Variants in RUBCN observed in about 807,000 individuals in gnomAD.
The protein encoded by RUBCN is rubicon autophagy regulator.
RUBCN carries 74 observed loss-of-function variants against 113.2 expected under a neutral mutation model. The observed-to-expected ratio is 0.65, with a 90% CI of 0.54 to 0.79. The LOEUF is 0.79. Ranked by LOEUF, RUBCN falls within the 30% of genes least tolerant of loss-of-function variation. RUBCN has a pLI of 0.00. For missense variants in RUBCN, 1,109 were observed against 1,251.7 expected (o/e 0.89, Z 1.72); for synonymous variants, 480 against 490.0 (o/e 0.98, Z 0.27).
chr3:197,681,952 G>A lies in RUBCN; in HGVS notation c.2127-53C>T. 7.0e-7 allele frequency: 1 copy of A among 1,425,578 alleles called. No homozygotes were observed. Among genetic ancestry groups the A allele is most frequent in the Non-Finnish European group, 9.9e-7 (1 of 1,009,030 alleles). The allele number at this position is 1,425,578 out of a possible 1,614,324, so 88.3% of individuals were successfully genotyped here. On this transcript the variant is annotated intron_variant, in intron 14 of 19. Transcript: ENST00000296343. This position sits in a 1 kb window ranked among gnomAD's most constrained non-coding sequence, Gnocchi z 5.5. ...GCACAGAGCAGCTGCGTGAGACCTTGGAGGTGTGAAGGAGTGAGCACACAT... is the reference window on the plus strand; with the variant it reads ...GCACAGAGCAGCTGCGTGAGACCTTAGAGGTGTGAAGGAGTGAGCACACAT...
Position 197,681,195 on chromosome 3 carries a change from A to G in RUBCN, c.2364T>C (p.Pro788=), listed in dbSNP as rs1721194021. Residue 788 remains proline (P), a synonymous_variant, in exon 16 of 20, where the codon CCT becomes CCC. Coordinates refer to ENST00000296343, the MANE Select transcript of RUBCN (RefSeq NM_014687.4). This position sits in a 1 kb window ranked among gnomAD's most constrained non-coding sequence, Gnocchi z 5.5. ...KDLLIKIWND[P]LFNVQDINSA... is the part of the protein sequence containing the mutation. The stretch of plus-strand genomic sequence containing the variant: ...TGTTTATGTCCTGCACGTTGAAGAG[A>G]GGATCATTCCAGATCTTAATGAGCA... The G allele has an allele frequency of 6.2e-7, 1 of 1,614,058 alleles. No individual in the cohort carries two copies. Among genetic ancestry groups the G allele is most frequent in the South Asian group, 1.1e-5 (1 of 91,084 alleles).
intron 1 of RUBCN, among the ~76,000 whole-genome samples, chr3:197,731,977 T>C (rs1023702187): frequency 6.6e-6 from 1 of 152,178 alleles, no homozygotes; most frequent in Non-Finnish European, 1.5e-5. Flanking sequence ...TGCTTACATA[T>C]GGGAAATAGA....
At chr3:197,679,623 G>A (rs1422373962) in intron 16 of RUBCN, among the ~76,000 whole-genome samples, 1 of 144,624 alleles carries the variant, frequency 6.9e-6, no homozygotes, top group East Asian at 2.1e-4. Flanking sequence ...ACTGGCTTCA[G>A]ACTGTCCTAC....
chr3:197,723,768 A>C (rs1726426423), intron 1 of RUBCN, among the ~76,000 whole-genome samples: 1 of 152,186 alleles, frequency 6.6e-6, no homozygotes, highest in South Asian at 2.1e-4. Flanking sequence ...TGAATCTTAG[A>C]TGCAAGTAAA....
intron 1 of RUBCN, among the ~76,000 whole-genome samples, chr3:197,721,990 G>C (rs565360989): frequency 3.5e-4 from 53 of 152,260 alleles, no homozygotes; most frequent in African/African-American, 1.2e-3. Context: ...TGTAATCCCA[G>C]CACTTTGGGA....
chr3:197,730,882 CAT>C (rs1491525834), intron 1 of RUBCN, among the ~76,000 whole-genome samples: 3 of 87,570 alleles, frequency 3.4e-5, no homozygotes, highest in African/African-American at 1.6e-4. Context: ...ATTTTAAAAG[CAT>C]CTTTTTTTTT....
intron 1 of RUBCN, among the ~76,000 whole-genome samples, chr3:197,726,697 A>C (rs9831307): frequency 0.12 from 17,198 of 145,032 alleles, 1,199 homozygotes; most frequent in African/African-American, 0.2. Flanking sequence ...CCCACCACCA[A>C]ACCCAGCTAA....
At chr3:197,722,679 T>A (rs540619203) in intron 1 of RUBCN, among the ~76,000 whole-genome samples, 1 of 151,856 alleles carries the variant, frequency 6.6e-6, no homozygotes, top group Non-Finnish European at 1.5e-5. Context: ...AACTGTTATA[T>A]CCTTTTGCTG....
At chr3:197,696,609 CAT>C (rs1305534757) in intron 8 of RUBCN, among the ~76,000 whole-genome samples, 5 of 152,284 alleles carry the variant, frequency 3.3e-5, no homozygotes, top group Non-Finnish European at 4.4e-5. Flanking sequence ...ATGATTTCCA[CAT>C]AGAGTCTGTC....
In RUBCN at chr3:197,718,074, G is replaced by A. The variant is rs762417278; in HGVS notation, c.122C>T (p.Ser41Leu). 1 of 1,614,218 alleles carries A rather than the reference G, an allele frequency of 6.2e-7. No homozygotes were observed. Among genetic ancestry groups the A allele is most frequent in the South Asian group, 1.1e-5 (1 of 91,080 alleles). Reference protein sequence around the residue: ...NLKTTVEGLVSTNSPNVWSKY... With the variant: ...NLKTTVEGLVLTNSPNVWSKY... The stretch of plus-strand genomic sequence containing the variant: ...AGACCAGACGTTGGGGCTGTTGGTT[G>A]ATACCAAACCCTCCACCGTCGTCTT... Residue 41 changes from serine (S) to leucine (L), a missense_variant, in exon 2 of 20, where the codon TCA becomes TTA. This residue lies in a region of RUBCN where 736 missense variants were observed against 779.6 expected (regional missense o/e 0.94). Coordinates refer to ENST00000296343, the MANE Select transcript of RUBCN (RefSeq NM_014687.4).
At position 197,701,841 on chromosome 3, in the gene RUBCN, C is replaced by T. The variant is rs374081741; in HGVS notation, c.594G>A (p.Pro198=). ...GGCTCTGGCTCTTTGTCACCAGGAG[C>T]GGGCTCTCGTGCTTTCTGGCAAACT... ...ASMFARKHES[P]LLVTKSQSLT... is the part of the protein sequence containing the mutation. The change falls in exon 6 of 20, where the codon CCG becomes CCA. Residue 198 remains proline, a synonymous_variant. Transcript: ENST00000296343. The T allele has an allele frequency of 5.3e-5, 85 of 1,614,118 alleles. No homozygotes were observed. The African/African-American group carries it at 7.5e-4, about 14-fold the overall frequency.
upstream of RUBCN, among the ~76,000 whole-genome samples, chr3:197,741,098 TA>T (rs1338035123): frequency 6.6e-6 from 1 of 152,198 alleles, no homozygotes; most frequent in Non-Finnish European, 1.5e-5. Flanking sequence ...TTTGCAAGTT[TA>T]AAAAATAGTC....
intron 2 of RUBCN, among the ~76,000 whole-genome samples, chr3:197,706,878 G>A (rs972288101): frequency 5.2e-4 from 79 of 152,316 alleles, no homozygotes; most frequent in African/African-American, 1.9e-3. Context: ...AATGTCAGAT[G>A]TGCAGGCTCT....
intron 1 of RUBCN, among the ~76,000 whole-genome samples, chr3:197,720,468 C>T (rs1353832383): frequency 1.3e-5 from 2 of 151,868 alleles, no homozygotes; most frequent in African/African-American, 4.8e-5. Flanking sequence ...AGTGCAGTGG[C>T]ATAATCTTGG....
Position 197,674,618 on chromosome 3 carries a change from C to A in RUBCN, c.*400G>T. On this transcript the variant is annotated 3_prime_UTR_variant, in exon 20 of 20. Transcript: ENST00000296343. ...GGAGAGGTGGTTGAGAAAGGCCTGG[C>A]TCAGAAGCTCCAGAACTGAAACAAA... 1 of 454,646 alleles carries A rather than the reference C, an allele frequency of 2.2e-6. No homozygotes were observed. The highest frequency in any genetic ancestry group is 2.8e-5 in the Admixed American group (1 of 36,210). 28.2% of individuals were successfully genotyped at this position (454,646 alleles called of 1,614,324 possible). A position where few individuals can be genotyped will look rare whatever the true frequency, so the allele number is the denominator to read the frequency against.
rs1719567027 is a variant in RUBCN, at chr3:197,668,988, G to C, written c.*6030C>G. Among the ~76,000 whole-genome samples, 1 of 151,998 alleles carries C rather than the reference G, an allele frequency of 6.6e-6. No individual in the cohort carries two copies. Among genetic ancestry groups the C allele is most frequent in the African/African-American group, 2.4e-5 (1 of 41,312 alleles). ...CAGAACCACACTAATTTTTACGTAT[G>C]TTTTCCTTATGTATTTTTTCTAACC... On this transcript the variant is annotated 3_prime_UTR_variant, in exon 20 of 20. Transcript: ENST00000296343.
At chr3:197,740,480 AAAAG>A (rs1029742294), upstream of RUBCN, among the ~76,000 whole-genome samples, 1 of 152,160 alleles carries the variant, frequency 6.6e-6, no homozygotes, top group Non-Finnish European at 1.5e-5. Flanking sequence ...AAAAAAAAGA[AAAAG>A]AAAAAGAAAT....
Position 197,704,293 on chromosome 3 carries a change from G to A in RUBCN, c.463+249C>T, listed in dbSNP as rs553417715. Among the ~76,000 whole-genome samples the A allele has an allele frequency of 2.0e-5, 3 of 152,302 alleles. No homozygotes were observed. In the East Asian group the frequency reaches 5.8e-4, roughly 29 times the overall value. On this transcript the variant is annotated intron_variant, in intron 4 of 19. Coordinates refer to ENST00000296343, the MANE Select transcript of RUBCN (RefSeq NM_014687.4). ...CTACTAAAATTACAAAATTAGCTGGGCATGGTGGCACATGCCTGTAATCCC... is the reference window on the plus strand; with the variant it reads ...CTACTAAAATTACAAAATTAGCTGGACATGGTGGCACATGCCTGTAATCCC...
rs1357888825 is a variant in RUBCN, at chr3:197,670,139, G to A, written c.*4879C>T. Among the ~76,000 whole-genome samples the A allele has an allele frequency of 2.6e-5, 4 of 152,054 alleles. No homozygotes were observed. The highest frequency in any genetic ancestry group is 4.8e-5 in the African/African-American group (2 of 41,406). ...CTTGACCTCGTGATCCGCCCGCCTC[G>A]GCCTCCCAAAGTGCTGGGATTACAG... is the stretch of plus-strand genomic sequence containing the variant. On this transcript the variant is annotated 3_prime_UTR_variant, in exon 20 of 20. Coordinates refer to ENST00000296343, the MANE Select transcript of RUBCN (RefSeq NM_014687.4).
Sources: gnomAD v4.1 joint callset for allele counts (sites outside exome capture counted in the v4.1 genomes callset) on GRCh38, gnomAD v4.1.1 for gene constraint, gnomAD v4.1.1 regional missense constraint, Gnocchi (gnomAD v3.1) non-coding constraint, MANE v1.5 for transcripts, NCBI Gene and HGNC (gene_info 2026-07-23, HGNC 2026-07-21) for gene names.